The following TYW1B variants were observed in gnomAD, a reference collection of about 807,000 sequenced individuals.
TYW1B encodes S-adenosyl-L-methionine-dependent tRNA 4-demethylwyosine synthase TYW1B.
Under a neutral mutation model 86.9 loss-of-function variants are expected in TYW1B, and 73 were observed. That is an observed-to-expected ratio of 0.84 (90% CI 0.70 to 1.02). The LOEUF is 1.02. Ranked by LOEUF, TYW1B falls within the 50% of genes least tolerant of loss-of-function variation. The pLI is 0.00. For missense variants in TYW1B, 637 were observed against 827.4 expected (o/e 0.77, Z 2.82); for synonymous variants, 248 against 292.8 (o/e 0.85, Z 1.56).
intron 3 of TYW1B, among the ~76,000 whole-genome samples, chr7:72,812,505 CT>C (rs1282937609): frequency 7.2e-5 from 11 of 152,184 alleles, no homozygotes; most frequent in Admixed American, 5.2e-4. Context: ...CAAGTAATCT[CT>C]TAGTTACAAG....
At chr7:72,634,102 C>T (rs1196994729) in intron 11 of TYW1B, among the ~76,000 whole-genome samples, 2 of 152,016 alleles carry the variant, frequency 1.3e-5, no homozygotes, top group Admixed American at 1.3e-4. Context: ...GATTTTAACC[C>T]CCTACTTTGG....
intron 10 of TYW1B, among the ~76,000 whole-genome samples, chr7:72,706,147 G>A (rs1355296083): frequency 7.3e-5 from 11 of 151,684 alleles, no homozygotes; most frequent in African/African-American, 1.9e-4. Flanking sequence ...TATTCTCTCC[G>A]GCCAGGCACA....
chr7:72,680,606 C>A (rs1426226843), intron 11 of TYW1B, among the ~76,000 whole-genome samples: 1 of 152,172 alleles, frequency 6.6e-6, no homozygotes, highest in Non-Finnish European at 1.5e-5. Context: ...TATTGTGGGA[C>A]TTCACCTTGT....
At chr7:72,745,945 C>A (rs1554463756) in intron 7 of TYW1B, among the ~76,000 whole-genome samples, 1 of 151,634 alleles carries the variant, frequency 6.6e-6, no homozygotes. Context: ...ACTCACTGCA[C>A]CCTCTGCCTC....
chr7:72,804,299 AG>A (rs1372987879), intron 5 of TYW1B, among the ~76,000 whole-genome samples: 1 of 151,576 alleles, frequency 6.6e-6, no homozygotes, highest in African/African-American at 2.4e-5. Context: ...AAAAAAAAAA[AG>A]AAAAAAATTA....
chr7:72,710,858 G>A (rs1471921128), intron 10 of TYW1B, among the ~76,000 whole-genome samples: 1 of 152,212 alleles, frequency 6.6e-6, no homozygotes, highest in Non-Finnish European at 1.5e-5. Flanking sequence ...GCGAATGTAT[G>A]TGATCAATCT....
intron 11 of TYW1B, among the ~76,000 whole-genome samples, chr7:72,668,055 T>G (rs1179093937): frequency 2.6e-5 from 4 of 152,246 alleles, no homozygotes; most frequent in Admixed American, 2.0e-4. Context: ...ACACTACCCA[T>G]GTATTTGGTC....
intron 6 of TYW1B, among the ~76,000 whole-genome samples, chr7:72,798,021 A>G (rs1788336984): frequency 9.5e-6 from 1 of 105,036 alleles, no homozygotes; most frequent in East Asian, 2.2e-4. Flanking sequence ...ACACACACAC[A>G]CACACACACA....
intron 13 of TYW1B, among the ~76,000 whole-genome samples, chr7:72,600,918 G>A (rs1162806449): frequency 2.0e-5 from 3 of 152,054 alleles, no homozygotes; most frequent in Non-Finnish European, 4.4e-5. Flanking sequence ...GCACTTTGGA[G>A]GCTGAGGAGG....
chr7:72,603,246 G>A (rs567510375), intron 13 of TYW1B, among the ~76,000 whole-genome samples: 16 of 146,122 alleles, frequency 1.1e-4, no homozygotes, highest in South Asian at 2.1e-4. Flanking sequence ...ATGGACGGAC[G>A]GATGGATGGA....
At chr7:72,711,473 C>CTTTTT (rs59438928) in intron 10 of TYW1B, among the ~76,000 whole-genome samples, 621 of 56,950 alleles carry the variant, frequency 0.011, 196 homozygotes, top group African/African-American at 0.012. Flanking sequence ...CTCTTTAATT[C>CTTTTT]TTTTTTTTTT....
chr7:72,743,865 A>G (rs1787348685), intron 8 of TYW1B, among the ~76,000 whole-genome samples: 1 of 151,526 alleles, frequency 6.6e-6, no homozygotes, highest in Non-Finnish European at 1.5e-5. Context: ...AAAAAGAAAG[A>G]AAAGAAAAAG....
chr7:72,752,760 A>C (rs1474425581), intron 7 of TYW1B, among the ~76,000 whole-genome samples: 2 of 89,856 alleles, frequency 2.2e-5, no homozygotes, highest in Non-Finnish European at 5.5e-5. Context: ...AACAAACAAA[A>C]AAACCTCATC....
At position 72,628,898 on chromosome 7, in the gene TYW1B, T is replaced by C. The variant is rs1554439336; in HGVS notation, c.1606A>G (p.Ile536Val). ...QLVSLGNPDF[I>V]EVKGVTYCRE... ...CAGCAGGGGCTTACCTTCACTTCGA[T>C]GAAGTCAGGATTCCCCAGGGACACG... Residue 536 changes from isoleucine (I) to valine (V), a missense_variant, in exon 12 of 14, where the codon ATC (isoleucine) becomes GTC (valine). Transcript: ENST00000620995. 6.3e-7 allele frequency: 1 copy of C among 1,588,514 alleles called. No homozygotes were observed. Among genetic ancestry groups the C allele is most frequent in the Admixed American group, 1.8e-5 (1 of 55,856 alleles).
chr7:72,683,524 C>G (rs1379043006), intron 11 of TYW1B, among the ~76,000 whole-genome samples: 6 of 152,094 alleles, frequency 3.9e-5, no homozygotes, highest in African/African-American at 7.2e-5. Context: ...GAGCCGAGAT[C>G]GTGCCACTGC....
At chr7:72,812,121 G>T (rs1469137205) in intron 3 of TYW1B, among the ~76,000 whole-genome samples, 2 of 139,350 alleles carry the variant, frequency 1.4e-5, no homozygotes, top group Admixed American at 7.6e-5. Flanking sequence ...GATGGGAAGT[G>T]TTTTGGATTT....
At chr7:72,748,023 C>G in intron 7 of TYW1B, among the ~76,000 whole-genome samples, 1 of 152,156 alleles carries the variant, frequency 6.6e-6, no homozygotes, top group African/African-American at 2.4e-5. Context: ...GTAATCCCAG[C>G]ACTTTGGGAG....
At chr7:72,688,217 A>C (rs1334151896) in intron 11 of TYW1B, among the ~76,000 whole-genome samples, 1 of 152,180 alleles carries the variant, frequency 6.6e-6, no homozygotes, top group Admixed American at 6.6e-5. Flanking sequence ...TTTATTTTCT[A>C]AATGTAAAGT....
At chr7:72,740,750 A>G (rs1787289419) in intron 8 of TYW1B, among the ~76,000 whole-genome samples, 1 of 98,994 alleles carries the variant, frequency 1.0e-5, no homozygotes, top group African/African-American at 3.5e-5. Context: ...TTTTTTTTTG[A>G]GACGGAGTCT....
Sources: allele counts gnomAD v4.1 joint callset (sites outside exome capture counted in the v4.1 genomes callset), GRCh38; gene constraint gnomAD v4.1.1; transcripts MANE v1.5; gene names NCBI Gene and HGNC (gene_info 2026-07-23, HGNC 2026-07-21).